Variants in CLOCK observed in about 807,000 individuals in gnomAD.
CLOCK encodes the protein circadian locomoter output cycles protein kaput.
CLOCK carries 43 observed loss-of-function variants against 118.4 expected under a neutral mutation model. The ratio of observed to expected loss-of-function variants is 0.36; its 90% confidence interval spans 0.28 to 0.47. CLOCK has a LOEUF of 0.47. Among genes scored for constraint, CLOCK ranks in the 20% least tolerant of loss-of-function variants. The pLI is 1.00. For missense variants in CLOCK, 846 were observed against 999.9 expected (o/e 0.85, Z 2.08); for synonymous variants, 326 against 339.2 (o/e 0.96, Z 0.43).
chr4:55,503,230 A>G (rs1359437676), intron 2 of CLOCK, among the ~76,000 whole-genome samples: 2 of 152,248 alleles, frequency 1.3e-5, no homozygotes, highest in African/African-American at 2.4e-5. Flanking sequence ...ATAACAGCCA[A>G]TACTAGAAAC....
intron 8 of CLOCK, among the ~76,000 whole-genome samples, chr4:55,468,978 G>A (rs1725925748): frequency 1.3e-5 from 2 of 152,074 alleles, no homozygotes; most frequent in African/African-American, 2.4e-5. Context: ...TTGTGGTGAT[G>A]CTTGTGTAAA....
At chr4:55,460,927 CCTT>C (rs1164809236) in intron 9 of CLOCK, among the ~76,000 whole-genome samples, 2 of 122,488 alleles carry the variant, frequency 1.6e-5, no homozygotes, top group South Asian at 2.8e-4. Flanking sequence ...ACTTTCCTCT[CCTT>C]TTTTTTTTTT....
In CLOCK at chr4:55,438,452, T is replaced by G; in HGVS notation, c.2191A>C (p.Met731Leu). Residue 731 changes from methionine to leucine, a missense_variant, in exon 22 of 23, where the codon ATG becomes CTG. Physicochemically the swap from Met to Leu is conservative, Grantham distance 15. Around this residue, in one of 4 missense-constraint regions of CLOCK, gnomAD observed 520 missense variants for 558.0 expected, o/e 0.93. Transcript: ENST00000513440. ...GGATATGCAGTCACCACCTGGCCCA[T>G]AAGCATAGTACTAGGTACCATGACT... is the stretch of plus-strand genomic sequence containing the variant. Reference protein sequence around the residue: ...GAVMVPSTMLMGQVVTAYPTF... With the variant: ...GAVMVPSTMLLGQVVTAYPTF... 1 of 1,613,850 alleles carries G rather than the reference T, an allele frequency of 6.2e-7. No homozygotes were observed. Among genetic ancestry groups the G allele is most frequent in the Non-Finnish European group, 8.5e-7 (1 of 1,179,992 alleles).
intron 1 of CLOCK, among the ~76,000 whole-genome samples, chr4:55,518,561 TGACAGTATTAA>T (rs1729661094): frequency 2.6e-5 from 4 of 152,182 alleles, no homozygotes; most frequent in Admixed American, 2.0e-4. Flanking sequence ...ATCCCCAATG[TGACAGTATTAA>T]GACATGGGGC....
intron 22 of CLOCK, among the ~76,000 whole-genome samples, chr4:55,437,110 C>T (rs1045260004): frequency 2.0e-5 from 3 of 152,118 alleles, no homozygotes; most frequent in Admixed American, 6.5e-5. Flanking sequence ...ATGTCTGCAG[C>T]ATAGGCTTAA....
At chr4:55,503,112 C>T (rs1728542766) in intron 2 of CLOCK, among the ~76,000 whole-genome samples, 1 of 152,126 alleles carries the variant, frequency 6.6e-6, no homozygotes, top group African/African-American at 2.4e-5. Flanking sequence ...GCTAAACAGC[C>T]AGATACCTTA....
chr4:55,484,775 G>A (rs1332649193), intron 3 of CLOCK, among the ~76,000 whole-genome samples: 3 of 152,082 alleles, frequency 2.0e-5, no homozygotes, highest in African/African-American at 4.8e-5. Flanking sequence ...GGGTGGTGGC[G>A]GGGACTAGGC....
At position 55,429,841 on chromosome 4, in the gene CLOCK, G is replaced by T. The variant is rs955100163; in HGVS notation, c.*5574C>A. ...TTATTTCTAAAATTCTTTCTTAGAT[G>T]ACTTGAGGAGGGAAGTGCAGGGGCA... On this transcript the variant is annotated 3_prime_UTR_variant, in exon 23 of 23. Transcript: ENST00000513440. 3 of 152,172 alleles carry T rather than the reference G, an allele frequency of 2.0e-5. No homozygotes were observed. The highest frequency in any genetic ancestry group is 7.2e-5 in the African/African-American group (3 of 41,432). 9.4% of individuals were successfully genotyped at this position (152,172 alleles called of 1,614,324 possible).
intron 8 of CLOCK, among the ~76,000 whole-genome samples, chr4:55,468,904 C>A (rs1177363640): frequency 6.6e-6 from 1 of 152,142 alleles, no homozygotes; most frequent in African/African-American, 2.4e-5. Context: ...TTCCTACTGT[C>A]TAGTGATGTC....
Position 55,434,736 on chromosome 4 carries a change from G to C in CLOCK, c.*679C>G, listed in dbSNP as rs999114194. 1.3e-5 allele frequency: 2 copies of C among 154,532 alleles called. No homozygotes were observed. Among genetic ancestry groups the C allele is most frequent in the Non-Finnish European group, 2.9e-5 (2 of 69,312 alleles). The allele number at this position is 154,532 out of a possible 1,614,324, so 9.6% of individuals were successfully genotyped here. A position where few individuals can be genotyped will look rare whatever the true frequency, so the allele number is the denominator to read the frequency against. On this transcript the variant is annotated 3_prime_UTR_variant, in exon 23 of 23. Transcript: ENST00000513440. ...TGTAAACAAAAGGAAAAACAGGATG[G>C]ATCAGTTTGCACATGGTGTCAGAAT... is the stretch of plus-strand genomic sequence containing the variant.
In CLOCK at chr4:55,453,795, A is replaced by G; in HGVS notation, c.1012T>C (p.Tyr338His). ...TGCCCCTTAGTCAGGAACCTATAAT[A>G]ACATGATTTGCCTTTCCCATATTGC... is the stretch of plus-strand genomic sequence containing the variant. ...LMQYGKGKSC[Y>H]YRFLTKGQQW... The change falls in exon 14 of 23, where the codon TAT becomes CAT. Residue 338 changes from tyrosine (Y) to histidine (H), a missense_variant. Coordinates refer to ENST00000513440, the MANE Select transcript of CLOCK (RefSeq NM_004898.4). 6.2e-7 allele frequency: 1 copy of G among 1,607,626 alleles called. No individual in the cohort carries two copies. Among genetic ancestry groups the G allele is most frequent in the Non-Finnish European group, 8.5e-7 (1 of 1,176,626 alleles).
At chr4:55,448,574 TTA>T (rs1192249629) in intron 18 of CLOCK, among the ~76,000 whole-genome samples, 6 of 148,618 alleles carry the variant, frequency 4.0e-5, no homozygotes, top group Non-Finnish European at 8.9e-5. Context: ...GTAACTATAA[TTA>T]TATATGTGCG....
chr4:55,463,877 C>T, intron 8 of CLOCK, 72 bp from the exon 9 acceptor site: 30 of 1,410,758 alleles, frequency 2.1e-5, no homozygotes, highest in Non-Finnish European at 2.6e-5. Context: ...AGTACATAAT[C>T]GCTATTAAAC....
At chr4:55,486,810 C>A (rs999399995) in intron 3 of CLOCK, among the ~76,000 whole-genome samples, 2 of 152,284 alleles carry the variant, frequency 1.3e-5, no homozygotes, top group African/African-American at 4.8e-5. Context: ...TAAAATTGAA[C>A]AGTGATGTGC....
intron 9 of CLOCK, among the ~76,000 whole-genome samples, chr4:55,462,265 T>C (rs993648378): frequency 6.6e-6 from 1 of 152,166 alleles, no homozygotes; most frequent in African/African-American, 2.4e-5. Context: ...TGTCTTCCTA[T>C]TGCTATCTCC....
In CLOCK at chr4:55,503,098, T is replaced by C. The variant is rs1376433973; in HGVS notation, c.-136+6814A>G. 2.6e-5 allele frequency among the ~76,000 whole-genome samples: 4 copies of C among 152,178 alleles called. No individual in the cohort carries two copies. In the East Asian group the frequency reaches 7.7e-4, roughly 29 times the overall value. ...ACTTTGGAAAACTAGGATAATCTCC[T>C]AAAGCTAAACAGCCAGATACCTTAA... is the stretch of plus-strand genomic sequence containing the variant. On this transcript the variant is annotated intron_variant, in intron 2 of 22. Transcript: ENST00000513440.
At chr4:55,518,335 G>C (rs941989164) in intron 1 of CLOCK, among the ~76,000 whole-genome samples, 16 of 152,122 alleles carry the variant, frequency 1.1e-4, no homozygotes, top group Non-Finnish European at 2.9e-5. Flanking sequence ...GAATTTATCT[G>C]ACCAGTGCTA....
At chr4:55,438,199 C>T (rs912370660) in intron 22 of CLOCK, 83 bp downstream of exon 22, 2 of 1,496,450 alleles carry the variant, frequency 1.3e-6, no homozygotes, top group African/African-American at 2.8e-5. Flanking sequence ...TTTCACATCA[C>T]TCACAAATCT....
At position 55,450,115 on chromosome 4, in the gene CLOCK, G is replaced by A. The variant is rs1577699438; in HGVS notation, c.1324C>T (p.His442Tyr). 1.9e-6 allele frequency: 3 copies of A among 1,614,036 alleles called. No homozygotes were observed. Among genetic ancestry groups the A allele is most frequent in the African/African-American group, 2.7e-5 (2 of 74,930 alleles). The change falls in exon 16 of 23, where the codon CAC becomes TAC. Residue 442 changes from histidine to tyrosine, a missense_variant. His to Tyr is a moderately conservative substitution (Grantham distance 83). Transcript: ENST00000513440. ...CAGGAAGGGTCTGAGACGGCCGTGTGAGATGATTTTCTTGAACTCCGAGAA... is the reference window on the plus strand; with the variant it reads ...CAGGAAGGGTCTGAGACGGCCGTGTAAGATGATTTTCTTGAACTCCGAGAA... ...ASSRSSRKSS[H>Y]TAVSDPSSTP...
Sources: gnomAD v4.1 joint callset for allele counts (sites outside exome capture counted in the v4.1 genomes callset) on GRCh38, gnomAD v4.1.1 for gene constraint, gnomAD v4.1.1 regional missense constraint, MANE v1.5 for transcripts, NCBI Gene and HGNC (gene_info 2026-07-23, HGNC 2026-07-21) for gene names.